Variants in ZNF883 observed in about 807,000 individuals in gnomAD.
The protein encoded by ZNF883 is zinc finger protein 883.
At chr9:112,994,611 TTATTA>T (rs1306161550), downstream of ZNF883, among the ~76,000 whole-genome samples, 20 of 152,116 alleles carry the variant, frequency 1.3e-4, no homozygotes, top group Non-Finnish European at 2.5e-4. Flanking sequence ...TTCTTTTCAT[TTATTA>T]TAATATTCTA....
chr9:113,005,114 C>T (rs1195555671), intron 2 of ZNF883, among the ~76,000 whole-genome samples: 1 of 151,854 alleles, frequency 6.6e-6, no homozygotes, highest in Non-Finnish European at 1.5e-5. Context: ...AAAACTATTG[C>T]AAGAATATTT....
chr9:112,994,720 T>C (rs1486954237), downstream of ZNF883, among the ~76,000 whole-genome samples: 2 of 152,132 alleles, frequency 1.3e-5, no homozygotes, highest in Non-Finnish European at 1.5e-5. Context: ...GTCACTTCTT[T>C]CTACTATCTT....
intron 2 of ZNF883, among the ~76,000 whole-genome samples, chr9:113,006,884 CTA>C (rs1395124952): frequency 6.1e-5 from 8 of 130,424 alleles, no homozygotes; most frequent in African/African-American, 1.2e-4. Flanking sequence ...TGAGCAAAGA[CTA>C]TGGTAATTTT....
Position 112,997,928 on chromosome 9 carries a change from G to T in ZNF883, n.332C>A, listed in dbSNP as rs932145048. 4.3e-6 allele frequency: 7 copies of T among 1,613,400 alleles called. No individual in the cohort carries two copies. In the African/African-American group the frequency reaches 8.0e-5, roughly 18 times the overall value. The stretch of plus-strand genomic sequence containing the variant: ...ATGGATTCTCTCATGATTTCTAAGG[G>T]ATGACCTATGACTAAAGGTTTTTTC... On this transcript the variant is annotated non_coding_transcript_exon_variant, in exon 1 of 1. Transcript: ENST00000639662.
chr9:112,996,347 G>A (rs926841241), downstream of ZNF883, among the ~76,000 whole-genome samples: 1 of 151,872 alleles, frequency 6.6e-6, no homozygotes, highest in Non-Finnish European at 1.5e-5. Context: ...ATTTGTCTAT[G>A]GCTATTAATG....
At chr9:113,010,390 G>A (rs952935471) in intron 2 of ZNF883, among the ~76,000 whole-genome samples, 1 of 152,190 alleles carries the variant, frequency 6.6e-6, no homozygotes, top group Admixed American at 6.5e-5. Context: ...TCTCGTAAGT[G>A]AGCATCTTGC....
chr9:113,004,343 A>G (rs1828455444), intron 2 of ZNF883, among the ~76,000 whole-genome samples: 1 of 152,226 alleles, frequency 6.6e-6, no homozygotes. Context: ...TTGCTAGGGC[A>G]GTGCTAGGAG....
At chr9:112,999,098 T>A (rs1828396040), upstream of ZNF883, 1 of 152,238 alleles carries the variant, frequency 6.6e-6, no homozygotes, top group African/African-American at 2.4e-5. Flanking sequence ...TGACTTCAGA[T>A]ATAGTATCCA....
chr9:113,007,066 T>C (rs938882310), intron 2 of ZNF883, among the ~76,000 whole-genome samples: 1 of 152,138 alleles, frequency 6.6e-6, no homozygotes, highest in Non-Finnish European at 1.5e-5. Flanking sequence ...TGGTGGTTCA[T>C]GTCTGTAGTC....
chr9:112,997,958 T>C, exon 1 of ZNF883: 2 of 1,613,904 alleles, frequency 1.2e-6, no homozygotes, highest in Non-Finnish European at 1.7e-6. Flanking sequence ...TTTTTCACAT[T>C]CATTACACTC....
chr9:112,991,099 C>T (rs1587892015), intron 1 of ZNF883, among the ~76,000 whole-genome samples: 1 of 151,686 alleles, frequency 6.6e-6, no homozygotes, highest in East Asian at 1.9e-4. Flanking sequence ...GTGTCTCTAT[C>T]CACTCTGATC....
upstream of ZNF883, among the ~76,000 whole-genome samples, chr9:113,001,041 A>C (rs1274460874): frequency 6.6e-6 from 1 of 152,158 alleles, no homozygotes; most frequent in South Asian, 2.1e-4. Context: ...AAAACAAAAT[A>C]CCAAACACAG....
At chr9:112,989,369 T>C (rs1828281173) in intron 1 of ZNF883, among the ~76,000 whole-genome samples, 1 of 152,208 alleles carries the variant, frequency 6.6e-6, no homozygotes, top group Non-Finnish European at 1.5e-5. Context: ...GCACCACTTA[T>C]TAAATAGGAA....
At chr9:112,990,016 C>T (rs1828286949) in intron 1 of ZNF883, among the ~76,000 whole-genome samples, 1 of 152,130 alleles carries the variant, frequency 6.6e-6, no homozygotes, top group Non-Finnish European at 1.5e-5. Flanking sequence ...AGCTTTTGGG[C>T]TGAGACAATG....
chr9:113,001,098 A>G (rs1828417240), upstream of ZNF883, among the ~76,000 whole-genome samples: 1 of 152,180 alleles, frequency 6.6e-6, no homozygotes, highest in African/African-American at 2.4e-5. Context: ...TGCTATAAAG[A>G]AAGAATTCAA....
chr9:113,003,785 A>G (rs1282151158), intron 2 of ZNF883, among the ~76,000 whole-genome samples: 2 of 152,236 alleles, frequency 1.3e-5, no homozygotes, highest in Admixed American at 6.5e-5. Context: ...AAAAGGGCAG[A>G]GTAACTTCAA....
chr9:112,999,975 G>T (rs890531677), upstream of ZNF883, among the ~76,000 whole-genome samples: 5 of 151,944 alleles, frequency 3.3e-5, no homozygotes, highest in African/African-American at 1.2e-4. Flanking sequence ...GCTATCTAGG[G>T]GCCCTACCCT....
chr9:112,991,745 T>C (rs1805321630), intron 1 of ZNF883, among the ~76,000 whole-genome samples: 2 of 152,332 alleles, frequency 1.3e-5, no homozygotes, highest in African/African-American at 4.8e-5. Context: ...AAGAACTTGT[T>C]TTATGAGTCT....
chr9:112,997,354 A>G (rs1828371794), exon 1 of ZNF883: 3 of 1,613,894 alleles, frequency 1.9e-6, no homozygotes, highest in Non-Finnish European at 2.5e-6. Context: ...TTCTATAGCA[A>G]AACAGTTTCT....
Sources: gnomAD v4.1 joint callset for allele counts (sites outside exome capture counted in the v4.1 genomes callset) on GRCh38, gnomAD v4.1.1 for gene constraint, MANE v1.5 for transcripts, NCBI Gene and HGNC (gene_info 2026-07-23, HGNC 2026-07-21) for gene names.